The following ZNF704 variants were observed in gnomAD, a reference collection of about 807,000 sequenced individuals.
ZNF704 encodes the protein zinc finger protein 704, also known as glucocorticoid induced gene 1.
A neutral mutation model predicts 44.7 loss-of-function variants in ZNF704; 10 were observed. That is an observed-to-expected ratio of 0.22 (90% CI 0.14 to 0.38). The LOEUF (loss-of-function observed/expected upper bound fraction) is 0.38. Among genes scored for constraint, ZNF704 ranks in the 10% least tolerant of loss-of-function variants. The pLI is 1.00. For missense variants in ZNF704, 390 were observed against 545.5 expected (o/e 0.71, Z 2.84); for synonymous variants, 211 against 207.6 (o/e 1.02, Z -0.14).
chr8:80,780,823 C>T (rs1264114157), intron 2 of ZNF704, among the ~76,000 whole-genome samples: 2 of 152,084 alleles, frequency 1.3e-5, no homozygotes, highest in Admixed American at 6.5e-5. Context: ...GGATTTTGGA[C>T]TTCTGGCCTC....
intron 2 of ZNF704, among the ~76,000 whole-genome samples, chr8:80,722,878 G>T (rs1806400261): frequency 1.3e-5 from 2 of 152,202 alleles, no homozygotes; most frequent in Non-Finnish European, 2.9e-5. Flanking sequence ...CCTCAGGAAG[G>T]AAAGCCCTCC....
chr8:80,742,643 G>A (rs945772543), intron 2 of ZNF704, among the ~76,000 whole-genome samples: 5 of 152,052 alleles, frequency 3.3e-5, no homozygotes, highest in Non-Finnish European at 5.9e-5. Flanking sequence ...ACTACAAATC[G>A]TTCTTCAAAT....
intron 2 of ZNF704, among the ~76,000 whole-genome samples, chr8:80,693,815 G>A (rs1170564897): frequency 6.6e-6 from 1 of 152,238 alleles, no homozygotes; most frequent in Non-Finnish European, 1.5e-5. Flanking sequence ...TTTATTCTAA[G>A]TGAAATGGGA....
chr8:80,836,913 C>A (rs1433753103), intron 1 of ZNF704, among the ~76,000 whole-genome samples: 1 of 152,170 alleles, frequency 6.6e-6, no homozygotes, highest in Admixed American at 6.5e-5. Context: ...CCAAGCTGCT[C>A]CACCAGAATA....
intron 7 of ZNF704, among the ~76,000 whole-genome samples, chr8:80,646,787 G>A (rs986608277): frequency 6.6e-6 from 1 of 152,150 alleles, no homozygotes; most frequent in Non-Finnish European, 1.5e-5. Context: ...TACAGTCACT[G>A]TAGATGATCT....
intron 2 of ZNF704, among the ~76,000 whole-genome samples, chr8:80,764,481 AC>A (rs1395531148): frequency 1.3e-5 from 2 of 152,236 alleles, no homozygotes; most frequent in East Asian, 3.9e-4. Flanking sequence ...TCATCCAATC[AC>A]GTCCCTCCCT....
rs566846342 is a variant in ZNF704, at chr8:80,631,609, G to C, written c.*9757C>G. On this transcript the variant is annotated 3_prime_UTR_variant, in exon 9 of 9. Coordinates refer to ENST00000327835, the MANE Select transcript of ZNF704 (RefSeq NM_001033723.3). ...TGGTTCTGATCACTCTATTAGCCTC[G>C]CACGTGGAGAGGACCGGTAGGGTTG... The C allele has an allele frequency of 6.6e-6, 1 of 152,170 alleles. No individual in the cohort carries two copies. The highest frequency in any genetic ancestry group is 1.5e-5 in the Non-Finnish European group (1 of 68,052). 9.4% of individuals were successfully genotyped at this position (152,170 alleles called of 1,614,324 possible).
chr8:80,715,003 C>G lies in ZNF704; in HGVS notation c.222-21896G>C, dbSNP rs191069173. 1.1e-4 allele frequency among the ~76,000 whole-genome samples: 16 copies of G among 152,252 alleles called. No homozygotes were observed. The East Asian group carries it at 3.1e-3, about 29-fold the overall frequency. On this transcript the variant is annotated intron_variant, in intron 2 of 8. Transcript: ENST00000327835. ...TCTAAGATTAAAAAGAATTATGGATCCATACTGATCACATTTCTTGGCTGC... is the reference window on the plus strand; with the variant it reads ...TCTAAGATTAAAAAGAATTATGGATGCATACTGATCACATTTCTTGGCTGC...
intron 2 of ZNF704, among the ~76,000 whole-genome samples, chr8:80,710,965 A>C (rs1206452457): frequency 1.3e-5 from 2 of 152,294 alleles, no homozygotes; most frequent in East Asian, 3.9e-4. Flanking sequence ...AGAGGGTACC[A>C]GGCATGTGAG....
chr8:80,848,924 A>G (rs1563575797), intron 1 of ZNF704, among the ~76,000 whole-genome samples: 1 of 152,338 alleles, frequency 6.6e-6, no homozygotes, highest in African/African-American at 2.4e-5. Context: ...GCTAGTTAAA[A>G]AATAAGACTC....
chr8:80,822,346 G>C (rs200784222), intron 1 of ZNF704, among the ~76,000 whole-genome samples: 1 of 143,112 alleles, frequency 7.0e-6, no homozygotes, highest in Non-Finnish European at 1.5e-5. Context: ...TGTTTAATTC[G>C]CACCTATGAG....
rs1264539452 is a variant in ZNF704 at position 80,789,596 on chromosome 8, T to TA, written c.221+31777dup. 2.0e-5 allele frequency among the ~76,000 whole-genome samples: 3 copies of TA among 152,050 alleles called. No homozygotes were observed. In the East Asian group the frequency reaches 5.8e-4, roughly 29 times the overall value. ...GACCCTGTCTCTACAAAATTGTTTT[T>TA]AAAAAATTGGCCAGGTATGCCTGCA... On this transcript the variant is annotated intron_variant, in intron 2 of 8. Transcript: ENST00000327835.
At chr8:80,656,939 A>C (rs977697367) in intron 7 of ZNF704, among the ~76,000 whole-genome samples, 2 of 152,188 alleles carry the variant, frequency 1.3e-5, no homozygotes, top group South Asian at 4.1e-4. Context: ...ATACAAATTC[A>C]TTATAACTTA....
intron 1 of ZNF704, among the ~76,000 whole-genome samples, chr8:80,833,844 A>C (rs1303960027): frequency 1.3e-5 from 2 of 152,168 alleles, no homozygotes; most frequent in Non-Finnish European, 2.9e-5. Flanking sequence ...GGAAACCTCA[A>C]ATCTGTCTGC....
intron 2 of ZNF704, among the ~76,000 whole-genome samples, chr8:80,754,225 A>G (rs924984294): frequency 6.6e-6 from 1 of 152,118 alleles, no homozygotes; most frequent in Non-Finnish European, 1.5e-5. Context: ...TCAGAAATGT[A>G]GAATACTAAC....
chr8:80,757,204 T>C (rs746965152), intron 2 of ZNF704, among the ~76,000 whole-genome samples: 1 of 152,154 alleles, frequency 6.6e-6, no homozygotes, highest in Non-Finnish European at 1.5e-5. Flanking sequence ...ATGCATGTTA[T>C]TGCCCCTGAA....
chr8:80,819,902 A>C (rs772852456), intron 2 of ZNF704, among the ~76,000 whole-genome samples: 7 of 152,198 alleles, frequency 4.6e-5, no homozygotes, highest in Non-Finnish European at 7.4e-5. Context: ...TTTTGATTTA[A>C]TATAGAAAGA....
intron 1 of ZNF704, among the ~76,000 whole-genome samples, chr8:80,856,026 T>C (rs998133781): frequency 6.6e-6 from 1 of 152,212 alleles, no homozygotes; most frequent in Non-Finnish European, 1.5e-5. Flanking sequence ...TGCGTGATCA[T>C]AGCTCACTGA....
intron 2 of ZNF704, among the ~76,000 whole-genome samples, chr8:80,785,512 T>C (rs2129725071): frequency 6.6e-6 from 1 of 152,308 alleles, no homozygotes; most frequent in South Asian, 2.1e-4. Flanking sequence ...TACCCATTTT[T>C]TCCTCTTTAT....
Sources: allele counts gnomAD v4.1 joint callset (sites outside exome capture counted in the v4.1 genomes callset), GRCh38; gene constraint gnomAD v4.1.1; transcripts MANE v1.5; gene names NCBI Gene and HGNC (gene_info 2026-07-23, HGNC 2026-07-21).